The following DOT1L variants were observed in gnomAD, a reference collection of about 807,000 sequenced individuals.
The protein encoded by DOT1L is histone-lysine N-methyltransferase, H3 lysine-79 specific.
DOT1L carries 33 observed loss-of-function variants against 153.3 expected under a neutral mutation model. That is an observed-to-expected ratio of 0.22 (90% CI 0.16 to 0.29). The LOEUF is 0.29. Ranked by LOEUF, DOT1L falls within the 10% of genes least tolerant of loss-of-function variation. The pLI is 1.00. For missense variants in DOT1L, 1,847 were observed against 2,119.9 expected (o/e 0.87, Z 2.53); for synonymous variants, 1,135 against 965.1 (o/e 1.18, Z -3.26).
intron 24 of DOT1L, 21 bp from the exon 25 acceptor site, chr19:2,223,260 A>T (rs756344492): frequency 2.5e-6 from 4 of 1,612,404 alleles, no homozygotes; most frequent in Non-Finnish European, 3.4e-6. Flanking sequence ...ATGTGCATCC[A>T]TTGTGTCTGT....
rs2024179769 is a variant in DOT1L at position 2,222,890 on chromosome 19, A to C, written c.3390+331A>C. The C allele has an allele frequency of 5.1e-6, 2 of 395,298 alleles. No homozygotes were observed. The highest frequency in any genetic ancestry group is 4.3e-5 in the East Asian group (1 of 23,398). 24.5% of individuals were successfully genotyped at this position (395,298 alleles called of 1,614,324 possible). On this transcript the variant is annotated intron_variant, in intron 24 of 27. Transcript: ENST00000398665. This position sits in a 1 kb window ranked among gnomAD's most constrained non-coding sequence, Gnocchi z 6.5. ...ACTCCCTCTCGGGGGGACAAAAAAAAACACAAAAAAAAACAGGTGGAGGCA... is the reference window on the plus strand; with the variant it reads ...ACTCCCTCTCGGGGGGACAAAAAAACACACAAAAAAAAACAGGTGGAGGCA...
At chr19:2,225,583 T>A in intron 26 of DOT1L, 131 bp downstream of exon 26, 1 of 1,014,290 alleles carries the variant, frequency 9.9e-7, no homozygotes, top group Non-Finnish European at 1.5e-6. Flanking sequence ...CGTCGTGTCC[T>A]GCGTGGTGCT....
At chr19:2,209,509 G>T (rs566561012) in intron 12 of DOT1L, among the ~76,000 whole-genome samples, 7 of 152,298 alleles carry the variant, frequency 4.6e-5, no homozygotes, top group African/African-American at 1.7e-4. Context: ...CCCACCCTCG[G>T]TGCAGAGTGC....
At chr19:2,221,326 C>T (rs1599612628) in intron 23 of DOT1L, 1 of 153,394 alleles carries the variant, frequency 6.5e-6, no homozygotes, top group African/African-American at 2.4e-5. Context: ...CCTCGCAGGG[C>T]TGGGTTGTGC....
chr19:2,208,352 C>T lies in DOT1L; in HGVS notation c.964-583C>T, dbSNP rs1446779280. 1.3e-5 allele frequency among the ~76,000 whole-genome samples: 2 copies of T among 152,072 alleles called. No individual in the cohort carries two copies. The highest frequency in any genetic ancestry group is 2.9e-5 in the Non-Finnish European group (2 of 67,994). ...TTACGGTGGTGCTGGTGTGTCTGCA[C>T]CCTCACTGTCCAGTGCTCGGAGCCT... is the stretch of plus-strand genomic sequence containing the variant. On this transcript the variant is annotated intron_variant, in intron 11 of 27. Transcript: ENST00000398665. The surrounding 1 kb of genome is among the most constrained non-coding windows in gnomAD (Gnocchi z 4.4).
At chr19:2,174,130 G>A (rs889445812) in intron 1 of DOT1L, among the ~76,000 whole-genome samples, 3 of 152,222 alleles carry the variant, frequency 2.0e-5, no homozygotes, top group Non-Finnish European at 4.4e-5. Context: ...GCCAGCTGGG[G>A]CTGTTGCACA....
At chr19:2,167,946 G>T (rs2019989989) in intron 1 of DOT1L, among the ~76,000 whole-genome samples, 1 of 152,072 alleles carries the variant, frequency 6.6e-6, no homozygotes, top group Non-Finnish European at 1.5e-5. Flanking sequence ...TATTGGCCAG[G>T]CTGGTCTCAA....
chr19:2,188,480 G>GCCGCCCCC (rs2022639614), intron 3 of DOT1L, among the ~76,000 whole-genome samples: 2 of 66,982 alleles, frequency 3.0e-5, no homozygotes, highest in East Asian at 6.8e-4. Flanking sequence ...CCCAGCCGCC[G>GCCGCCCCC]CCCCCCCCCC....
chr19:2,223,531 C>A, intron 25 of DOT1L, 45 bp downstream of exon 25: 1 of 856,584 alleles, frequency 1.2e-6, no homozygotes, highest in Non-Finnish European at 1.5e-6. Context: ...GCAGCAGGGG[C>A]AGGAGGTGCC....
intron 27 of DOT1L, 22 bp from the exon 28 acceptor site, chr19:2,229,763 T>C (rs762604178): frequency 2.5e-6 from 4 of 1,613,202 alleles, no homozygotes; most frequent in Non-Finnish European, 3.4e-6. Flanking sequence ...CAGGCCGCTC[T>C]TCCCGCTGTG....
intron 15 of DOT1L, 99 bp from the exon 16 acceptor site, chr19:2,211,652 C>A: frequency 9.5e-7 from 1 of 1,047,790 alleles, no homozygotes; most frequent in Non-Finnish European, 1.4e-6. Flanking sequence ...GTGCCTGACA[C>A]CTGCCGAGGC....
rs1433829543 is a variant in DOT1L at position 2,189,721 on chromosome 19, G to T, written c.201-11G>T. On this transcript the variant is annotated splice_polypyrimidine_tract_variant and intron_variant, in intron 3 of 27. Transcript: ENST00000398665. The stretch of plus-strand genomic sequence containing the variant: ...GCCCGCATGACCAGGGCCTTCCCTT[G>T]CCTTTTTCAGCTTCGAGAGCATGCA... The T allele has an allele frequency of 6.2e-7, 1 of 1,609,880 alleles. No homozygotes were observed.
At chr19:2,215,001 A>G (rs2023845129) in intron 19 of DOT1L, among the ~76,000 whole-genome samples, 1 of 152,034 alleles carries the variant, frequency 6.6e-6, no homozygotes, top group African/African-American at 2.4e-5. Flanking sequence ...AGATCACCTG[A>G]GGCTAGGAGT....
chr19:2,226,497 C>T lies in DOT1L; in HGVS notation c.3976C>T (p.Leu1326=), dbSNP rs770865451. ...CTTCGGCGGGGGCCTGGCCGCGGAC[C>T]TGAGTTTACACAGCTTCAGTGATGG... The part of the protein sequence containing the change: ...CTFGGGLAAD[L]SLHSFSDGAS... The change falls in exon 27 of 28, where the codon CTG becomes TTG. Residue 1326 remains leucine, a synonymous_variant. Transcript: ENST00000398665. 1.9e-6 allele frequency: 3 copies of T among 1,600,858 alleles called. No homozygotes were observed. The highest frequency in any genetic ancestry group is 2.5e-6 in the Non-Finnish European group (3 of 1,179,680).
At chr19:2,177,383 G>GC (rs543083726) in intron 1 of DOT1L, among the ~76,000 whole-genome samples, 271 of 152,068 alleles carry the variant, frequency 1.8e-3, no homozygotes, top group African/African-American at 6.1e-3. Context: ...TGTAACCTCT[G>GC]CCTCCCGGGT....
Position 2,225,428 on chromosome 19 carries a change from TCTCC to T in DOT1L, c.3639_3642del (p.Pro1214ArgfsTer112). 1 of 1,614,122 alleles carries T rather than the reference TCTCC, an allele frequency of 6.2e-7. No individual in the cohort carries two copies. Among genetic ancestry groups the T allele is most frequent in the Non-Finnish European group, 8.5e-7 (1 of 1,179,996 alleles). On this transcript the variant is annotated frameshift_variant, in exon 26 of 28. Coordinates refer to ENST00000398665, the MANE Select transcript of DOT1L (RefSeq NM_032482.3). LOFTEE classifies it high-confidence loss of function. ...TGCAACAATCTCCTTAGAAAGCAAA[TCTCC>T]CCCGAAAACCTTGGAAAATGGTGAG...
chr19:2,216,704 C>T lies in DOT1L; in HGVS notation c.2347C>T (p.Arg783Trp), dbSNP rs772645020. The change falls in exon 20 of 28, where the codon CGG becomes TGG. Residue 783 changes from arginine to tryptophan, a missense_variant. By Grantham distance (101) the Arg-to-Trp change is moderately radical. Transcript: ENST00000398665. ...GTCCCCGGCCAAGATTGTGCTGAGG[C>T]GGCACCTGAGCCAGGACCACACGGT... The part of the protein sequence containing the change: ...RLSPAKIVLR[R>W]HLSQDHTVPG... 10 of 1,601,966 alleles carry T rather than the reference C, an allele frequency of 6.2e-6. No individual in the cohort carries two copies. Among genetic ancestry groups the T allele is most frequent in the African/African-American group, 5.3e-5 (4 of 74,926 alleles).
intron 1 of DOT1L, among the ~76,000 whole-genome samples, chr19:2,169,505 G>GT (rs916084960): frequency 4.6e-5 from 7 of 151,906 alleles, no homozygotes; most frequent in African/African-American, 1.5e-4. Context: ...TCTGAGGAGA[G>GT]TTTTTTTTGA....
At chr19:2,189,591 C>A (rs1319430422) in intron 3 of DOT1L, 141 bp from the exon 4 acceptor site, 6 of 861,190 alleles carry the variant, frequency 7.0e-6, no homozygotes, top group African/African-American at 1.7e-5. Context: ...AGGCTTCTGC[C>A]AGAAGGGTCT....
Sources: gnomAD v4.1 joint callset for allele counts (sites outside exome capture counted in the v4.1 genomes callset) on GRCh38, gnomAD v4.1.1 for gene constraint, Gnocchi (gnomAD v3.1) non-coding constraint, MANE v1.5 for transcripts, NCBI Gene and HGNC (gene_info 2026-07-23, HGNC 2026-07-21) for gene names.